The following NRXN3 variants were observed in gnomAD, a reference collection of about 807,000 sequenced individuals.
NRXN3 encodes neurexin 3.
In NRXN3, 32 loss-of-function variants were observed where a neutral mutation model predicts 137.6. That is an observed-to-expected ratio of 0.23 (90% CI 0.18 to 0.31). The LOEUF is 0.31. Ranked by LOEUF, NRXN3 falls within the 10% of genes least tolerant of loss-of-function variation. The pLI is 1.00. For synonymous variants in NRXN3, 798 were observed against 784.5 expected (o/e 1.02, Z -0.29); for missense variants, 1,574 against 2,062.5 (o/e 0.76, Z 4.59).
chr14:78,963,900 G>A (rs890366082), intron 11 of NRXN3, among the ~76,000 whole-genome samples: 1 of 151,998 alleles, frequency 6.6e-6, no homozygotes, highest in African/African-American at 2.4e-5. Flanking sequence ...TGAATAGTTA[G>A]CACTATAGGT....
chr14:78,373,304 C>T (rs558693319), intron 4 of NRXN3, among the ~76,000 whole-genome samples: 29 of 152,276 alleles, frequency 1.9e-4, no homozygotes, highest in Middle Eastern at 3.4e-3. Flanking sequence ...GTGGCAACCT[C>T]AGGCAGTTAG....
intron 6 of NRXN3, among the ~76,000 whole-genome samples, chr14:78,708,240 G>A (rs1220841191): frequency 6.6e-6 from 1 of 152,202 alleles, no homozygotes; most frequent in Non-Finnish European, 1.5e-5. Context: ...TTGCAGAAGT[G>A]TACACTAACC....
chr14:78,831,559 A>AC (rs1491336254), intron 10 of NRXN3, among the ~76,000 whole-genome samples: 29 of 149,338 alleles, frequency 1.9e-4, no homozygotes, highest in Middle Eastern at 3.5e-3. Context: ...AAAAAAAAAA[A>AC]AACAACAACA....
chr14:79,454,612 G>A (rs1297830431), intron 15 of NRXN3, among the ~76,000 whole-genome samples: 2 of 152,090 alleles, frequency 1.3e-5, no homozygotes, highest in Non-Finnish European at 2.9e-5. Context: ...ATTCTAAAAC[G>A]ATGTTGAATA....
chr14:78,332,205 A>G (rs2080898136), intron 4 of NRXN3, among the ~76,000 whole-genome samples: 1 of 151,906 alleles, frequency 6.6e-6, no homozygotes, highest in Non-Finnish European at 1.5e-5. Context: ...CATAAGGCAA[A>G]CCCTCGATAA....
intron 15 of NRXN3, among the ~76,000 whole-genome samples, chr14:79,379,743 G>T (rs535046454): frequency 6.6e-6 from 1 of 152,248 alleles, no homozygotes; most frequent in Admixed American, 6.5e-5. Flanking sequence ...CAAACAGGGG[G>T]CAGTTTAACT....
intron 4 of NRXN3, among the ~76,000 whole-genome samples, chr14:78,544,945 G>A (rs549901628): frequency 2.4e-4 from 36 of 152,192 alleles, no homozygotes; most frequent in Non-Finnish European, 4.3e-4. Context: ...CAGGAGTTGG[G>A]TTCTCAATTT....
At chr14:78,686,503 C>G (rs754859902) in intron 6 of NRXN3, among the ~76,000 whole-genome samples, 1 of 152,146 alleles carries the variant, frequency 6.6e-6, no homozygotes, top group Non-Finnish European at 1.5e-5. Flanking sequence ...CAGGTTTTGC[C>G]ATTGGTGAGA....
chr14:78,657,506 G>A (rs544302770), intron 6 of NRXN3, among the ~76,000 whole-genome samples: 41 of 152,288 alleles, frequency 2.7e-4, no homozygotes, highest in South Asian at 2.3e-3. Flanking sequence ...TCTCTAATGG[G>A]GAGGAAGGAA....
intron 15 of NRXN3, among the ~76,000 whole-genome samples, chr14:78,994,749 TG>T (rs1170540216): frequency 6.6e-6 from 1 of 152,174 alleles, no homozygotes; most frequent in Non-Finnish European, 1.5e-5. Context: ...GAAACTTTGG[TG>T]TAACATAAGG....
intron 20 of NRXN3, among the ~76,000 whole-genome samples, chr14:79,839,686 CT>C (rs1369160051): frequency 4.6e-5 from 7 of 152,028 alleles, no homozygotes; most frequent in Non-Finnish European, 7.4e-5. Flanking sequence ...TTGCTTATGC[CT>C]TTAAGGTCTT....
intron 4 of NRXN3, among the ~76,000 whole-genome samples, chr14:78,471,316 ACACACACACACACACACC>A (rs1450665940): frequency 0.03 from 2,542 of 83,612 alleles, 72 homozygotes; most frequent in African/African-American, 0.099. Context: ...ACACACACAC[ACACACACACACACACACC>A]CCCAAGAAAT....
chr14:78,843,554 C>G (rs527844978), intron 10 of NRXN3, among the ~76,000 whole-genome samples: 1 of 152,076 alleles, frequency 6.6e-6, no homozygotes, highest in African/African-American at 2.4e-5. Flanking sequence ...CTTGTACAGA[C>G]GTAATACTAA....
chr14:79,805,596 G>A (rs888813527), intron 20 of NRXN3, among the ~76,000 whole-genome samples: 1 of 152,104 alleles, frequency 6.6e-6, no homozygotes, highest in Admixed American at 6.6e-5. Context: ...CCATGGAGGA[G>A]CTTAAAGATT....
chr14:79,832,167 G>A (rs1192322315), intron 20 of NRXN3, among the ~76,000 whole-genome samples: 1 of 152,052 alleles, frequency 6.6e-6, no homozygotes, highest in Non-Finnish European at 1.5e-5. Context: ...TATTGTTTTT[G>A]TGTTTTTAAT....
intron 1 of NRXN3, among the ~76,000 whole-genome samples, chr14:78,193,430 A>G (rs1566942447): frequency 6.6e-6 from 1 of 152,148 alleles, no homozygotes; most frequent in Non-Finnish European, 1.5e-5. Flanking sequence ...AGTGTTAGGA[A>G]ACACAGGCTA....
At chr14:79,789,958 C>G (rs749502111) in intron 19 of NRXN3, among the ~76,000 whole-genome samples, 1 of 152,098 alleles carries the variant, frequency 6.6e-6, no homozygotes, top group Non-Finnish European at 1.5e-5. Context: ...AGAGTTTGGG[C>G]TTGTTCCTAG....
rs1245749562 is a variant in NRXN3 at position 79,443,018 on chromosome 14, C to T, written c.3263-24203C>T. Among the ~76,000 whole-genome samples the T allele has an allele frequency of 2.0e-5, 3 of 152,280 alleles. No individual in the cohort carries two copies. The South Asian group carries it at 6.2e-4, about 32-fold the overall frequency. On this transcript the variant is annotated intron_variant, in intron 15 of 20. Coordinates refer to ENST00000335750, the MANE Select transcript of NRXN3 (RefSeq NM_001330195.2). ...TGCTAGGATCAGCTGGCTCTGTGTG[C>T]ATGATTTCCACTTCAAAGGGTACAC...
intron 15 of NRXN3, among the ~76,000 whole-genome samples, chr14:79,358,607 G>GAGAAAGAA (rs751796019): frequency 0.17 from 13,417 of 79,656 alleles, 1,588 homozygotes; most frequent in Non-Finnish European, 0.18. Context: ...AAGAAAGAAA[G>GAGAAAGAA]AGAAAGAAAG....
Sources: allele counts gnomAD v4.1 joint callset (sites outside exome capture counted in the v4.1 genomes callset), GRCh38; gene constraint gnomAD v4.1.1; transcripts MANE v1.5; gene names NCBI Gene and HGNC (gene_info 2026-07-23, HGNC 2026-07-21).